Variants in ZNF536 observed in about 807,000 individuals in gnomAD.
The protein encoded by ZNF536 is zinc finger protein 536.
Under a neutral mutation model 84.5 loss-of-function variants are expected in ZNF536, and 13 were observed. The observed-to-expected ratio is 0.15, with a 90% confidence interval of 0.10 to 0.24. ZNF536 has a LOEUF of 0.24. Among genes scored for constraint, ZNF536 ranks in the 10% least tolerant of loss-of-function variants. The probability of loss-of-function intolerance (pLI) is 1.00; values close to 1 mark genes in which losing one functional copy is unlikely to be tolerated. For missense variants in ZNF536, 1,536 were observed against 1,747.5 expected, an observed-to-expected ratio of 0.88 and a Z score of 2.16; for synonymous variants, 811 against 742.5, an observed-to-expected ratio of 1.09 and a Z score of -1.50.
chr19:30,509,022 A>G (rs554253273), intron 2 of ZNF536, among the ~76,000 whole-genome samples: 1 of 149,738 alleles, frequency 6.7e-6, no homozygotes, highest in African/African-American at 2.4e-5. Context: ...TCTTGTTGAG[A>G]TGGGGTCTCA....
intron 1 of ZNF536, among the ~76,000 whole-genome samples, chr19:30,582,925 A>T (rs1408765676): frequency 6.6e-6 from 1 of 152,106 alleles, no homozygotes; most frequent in Non-Finnish European, 1.5e-5. Flanking sequence ...TGAGATTTGG[A>T]TGGGGACACA....
chr19:30,543,675 T>A (rs2045427156), intron 3 of ZNF536, among the ~76,000 whole-genome samples: 2 of 152,176 alleles, frequency 1.3e-5, no homozygotes, highest in African/African-American at 2.4e-5. Context: ...GCCGGCCAAA[T>A]GAAAGAGCAG....
At chr19:30,284,724 CT>C (rs2045570607) in intron 2 of ZNF536, among the ~76,000 whole-genome samples, 1 of 152,220 alleles carries the variant, frequency 6.6e-6, no homozygotes, top group Non-Finnish European at 1.5e-5. Flanking sequence ...GAGGCTGCCC[CT>C]GATATCTCTG....
chr19:30,581,628 T>C (rs1023567384), intron 1 of ZNF536, among the ~76,000 whole-genome samples: 1 of 152,100 alleles, frequency 6.6e-6, no homozygotes, highest in African/African-American at 2.4e-5. Context: ...TGTCTGTGGC[T>C]GGAAGCAGGA....
At chr19:30,694,933 G>A (rs527926496) in intron 1 of ZNF536, among the ~76,000 whole-genome samples, 58 of 152,312 alleles carry the variant, frequency 3.8e-4, no homozygotes, top group South Asian at 3.7e-3. Flanking sequence ...ATGTGATTGG[G>A]ATTCTGAGCT....
chr19:30,334,969 A>G (rs1191433129), intron 2 of ZNF536, among the ~76,000 whole-genome samples: 1 of 152,154 alleles, frequency 6.6e-6, no homozygotes, highest in Non-Finnish European at 1.5e-5. Context: ...TCAGGCGGGA[A>G]TGCTCGCTCA....
chr19:30,505,375 G>A (rs2055130709), intron 2 of ZNF536, among the ~76,000 whole-genome samples: 1 of 146,070 alleles, frequency 6.8e-6, no homozygotes, highest in Admixed American at 6.9e-5. Context: ...ATATATGAAT[G>A]TATACTATAT....
At chr19:30,464,905 G>A (rs1188490749) in intron 2 of ZNF536, among the ~76,000 whole-genome samples, 1 of 152,048 alleles carries the variant, frequency 6.6e-6, no homozygotes, top group Non-Finnish European at 1.5e-5. Context: ...GGCTCTTCGG[G>A]GAATTTGGAT....
At chr19:30,494,969 A>AAG (rs1555782575) in intron 2 of ZNF536, among the ~76,000 whole-genome samples, 8 of 151,118 alleles carry the variant, frequency 5.3e-5, no homozygotes, top group Admixed American at 2.0e-4. Flanking sequence ...AAAAAAAAAA[A>AAG]AGCCCCCTCA....
intron 1 of ZNF536, among the ~76,000 whole-genome samples, chr19:30,439,602 C>G (rs1000090816): frequency 1.5e-4 from 23 of 152,202 alleles, no homozygotes; most frequent in African/African-American, 5.5e-4. Context: ...GCGGCCTCGG[C>G]TGCACCTGCT....
chr19:30,670,639 G>T (rs974574541), intron 1 of ZNF536, among the ~76,000 whole-genome samples: 2 of 152,212 alleles, frequency 1.3e-5, no homozygotes, highest in African/African-American at 4.8e-5. Context: ...TGGTTTTGTT[G>T]GGGGAGGCAT....
chr19:30,619,293 C>T (rs1399901095), intron 1 of ZNF536, among the ~76,000 whole-genome samples: 1 of 152,018 alleles, frequency 6.6e-6, no homozygotes, highest in Non-Finnish European at 1.5e-5. Flanking sequence ...CTATGAACTT[C>T]AGATACTAAT....
At chr19:30,291,397 G>A (rs1182110264) in intron 2 of ZNF536, among the ~76,000 whole-genome samples, 4 of 152,118 alleles carry the variant, frequency 2.6e-5, no homozygotes, top group Non-Finnish European at 5.9e-5. Flanking sequence ...GTATGAGATG[G>A]TATCTCTTCG....
chr19:30,587,042 G>T (rs2047117618), intron 1 of ZNF536, among the ~76,000 whole-genome samples: 1 of 152,118 alleles, frequency 6.6e-6, no homozygotes, highest in South Asian at 2.1e-4. Flanking sequence ...ATGTGTAAAG[G>T]ACAAATAACA....
intron 1 of ZNF536, among the ~76,000 whole-genome samples, chr19:30,275,078 T>C (rs1380443975): frequency 3.3e-5 from 5 of 152,166 alleles, no homozygotes; most frequent in African/African-American, 1.2e-4. Flanking sequence ...GTCTTCATCC[T>C]TGTGGATGGG....
At chr19:30,451,506 A>T (rs1033454543) in intron 2 of ZNF536, among the ~76,000 whole-genome samples, 1 of 152,168 alleles carries the variant, frequency 6.6e-6, no homozygotes, top group Non-Finnish European at 1.5e-5. Context: ...GGGCTGCTTG[A>T]TGCCAGTCCA....
chr19:30,608,621 A>G (rs1431052917), intron 1 of ZNF536, among the ~76,000 whole-genome samples: 1 of 152,172 alleles, frequency 6.6e-6, no homozygotes, highest in Non-Finnish European at 1.5e-5. Flanking sequence ...ACACTGGTGT[A>G]GTGCACAGTC....
At chr19:30,362,901 A>G (rs1337035255) in intron 3 of ZNF536, among the ~76,000 whole-genome samples, 2 of 152,170 alleles carry the variant, frequency 1.3e-5, no homozygotes, top group African/African-American at 4.8e-5. Flanking sequence ...TCTACTAAAA[A>G]TACAAAAATT....
chr19:30,275,636 A>G (rs2026085433), intron 1 of ZNF536, among the ~76,000 whole-genome samples: 1 of 152,188 alleles, frequency 6.6e-6, no homozygotes, highest in South Asian at 2.1e-4. Context: ...TCTTAACCTC[A>G]GACACAGAAC....
Sources: allele counts gnomAD v4.1 joint callset (sites outside exome capture counted in the v4.1 genomes callset), GRCh38; gene constraint gnomAD v4.1.1; transcripts MANE v1.5; gene names NCBI Gene and HGNC (gene_info 2026-07-23, HGNC 2026-07-21).